The following KANK1 variants were observed in gnomAD, a reference collection of about 807,000 sequenced individuals.
KANK1 encodes the protein KN motif and ankyrin repeat domain-containing protein 1.
A neutral mutation model predicts 106.2 loss-of-function variants in KANK1; 109 were observed. The observed-to-expected ratio is 1.03, with a 90% CI of 0.88 to 1.20. The LOEUF is 1.20. Ranked by LOEUF, KANK1 falls within the 50% of genes most tolerant of loss-of-function variation. The probability of loss-of-function intolerance (pLI) is 0.00; values close to 1 mark genes in which losing one functional copy is unlikely to be tolerated. For missense variants in KANK1, 2,399 were observed against 1,710.7 expected, an observed-to-expected ratio of 1.40 and a Z score of -7.10; for synonymous variants, 873 against 652.2, an observed-to-expected ratio of 1.34 and a Z score of -5.16.
At chr9:580,526 T>C (rs1587996245) in intron 1 of KANK1, among the ~76,000 whole-genome samples, 1 of 152,168 alleles carries the variant, frequency 6.6e-6, no homozygotes, top group Non-Finnish European at 1.5e-5. Context: ...GCATTTACAA[T>C]CCCTGAGCTA....
At chr9:690,496 G>T (rs191784862) in intron 2 of KANK1, among the ~76,000 whole-genome samples, 25 of 152,148 alleles carry the variant, frequency 1.6e-4, no homozygotes, top group African/African-American at 5.5e-4. Context: ...TTGTTGTGAG[G>T]ATTAAATGAG....
chr9:610,580 GT>G (rs1166994671), intron 1 of KANK1, among the ~76,000 whole-genome samples: 5 of 152,178 alleles, frequency 3.3e-5, no homozygotes, highest in African/African-American at 9.7e-5. Flanking sequence ...GTCAGGTAAT[GT>G]TAAATGATGT....
intron 1 of KANK1, among the ~76,000 whole-genome samples, chr9:641,503 A>G (rs1563912932): frequency 6.6e-6 from 1 of 152,200 alleles, no homozygotes; most frequent in Non-Finnish European, 1.5e-5. Flanking sequence ...AACAACATGC[A>G]AATGGAGCTG....
intron 3 of KANK1, among the ~76,000 whole-genome samples, chr9:485,892 GAAAAA>G (rs2058286019): frequency 6.8e-6 from 1 of 147,772 alleles, no homozygotes; most frequent in Non-Finnish European, 1.5e-5. Context: ...AAAAAGAAAA[GAAAAA>G]GAGAGAGAGA....
chr9:595,031 G>T (rs1207744898), intron 1 of KANK1, among the ~76,000 whole-genome samples: 6 of 151,846 alleles, frequency 4.0e-5, no homozygotes, highest in Non-Finnish European at 7.4e-5. Context: ...AGAAAAAAAA[G>T]AATTTTTAGA....
chr9:531,754 C>G (rs964441829), intron 1 of KANK1, among the ~76,000 whole-genome samples: 2 of 152,202 alleles, frequency 1.3e-5, no homozygotes, highest in Non-Finnish European at 2.9e-5. Flanking sequence ...CCATTTTATT[C>G]TGAACTGTGG....
At chr9:591,095 T>A (rs562456284) in intron 1 of KANK1, among the ~76,000 whole-genome samples, 7 of 151,880 alleles carry the variant, frequency 4.6e-5, no homozygotes, top group African/African-American at 7.3e-5. Context: ...TTTCTGTTCA[T>A]ATCCTTTGCC....
chr9:742,336 G>A lies in KANK1; in HGVS notation c.3828G>A (p.Glu1276=), dbSNP rs373112399. ...CCACGGCCCTCATGTGTGCCAGCGAGCACGGACACGTGGAGATTGTCAAGC... is the reference window on the plus strand; with the variant it reads ...CCACGGCCCTCATGTGTGCCAGCGAACACGGACACGTGGAGATTGTCAAGC... ...EGSTALMCAS[E]HGHVEIVKLL... is the part of the protein sequence containing the mutation. The change falls in exon 10 of 12, where the codon GAG becomes GAA. Residue 1276 remains glutamate (E), a synonymous_variant. Transcript: ENST00000382297. 2.7e-4 allele frequency: 442 copies of A among 1,614,020 alleles called. No individual in the cohort carries two copies. The highest frequency in any genetic ancestry group is 3.8e-4 in the Admixed American group (23 of 60,008).
chr9:734,676 T>A (rs1293413219), intron 6 of KANK1, 72 bp from the exon 7 acceptor site: 16 of 1,135,666 alleles, frequency 1.4e-5, no homozygotes, highest in Non-Finnish European at 2.0e-5. Flanking sequence ...AAAAAAAAAA[T>A]TAGATATTTG....
At chr9:569,692 T>C (rs893050582) in intron 1 of KANK1, among the ~76,000 whole-genome samples, 3 of 152,236 alleles carry the variant, frequency 2.0e-5, no homozygotes, top group Non-Finnish European at 4.4e-5. Context: ...TTCACTTTTC[T>C]TTCATCTAGA....
At chr9:509,012 C>T (rs557648691) in intron 1 of KANK1, among the ~76,000 whole-genome samples, 17 of 152,044 alleles carry the variant, frequency 1.1e-4, no homozygotes, top group Admixed American at 5.2e-4. Flanking sequence ...TACTTCTACC[C>T]GTAGTGTGAG....
At chr9:637,781 G>T (rs1243164461) in intron 1 of KANK1, among the ~76,000 whole-genome samples, 3 of 152,004 alleles carry the variant, frequency 2.0e-5, no homozygotes, top group Non-Finnish European at 4.4e-5. Context: ...TATTTCATGT[G>T]AGACTACCAA....
chr9:662,179 A>C (rs1323812204), intron 1 of KANK1, among the ~76,000 whole-genome samples: 1 of 152,172 alleles, frequency 6.6e-6, no homozygotes, highest in Non-Finnish European at 1.5e-5. Context: ...ATAAAAGAGG[A>C]CACAGACAAA....
intron 1 of KANK1, among the ~76,000 whole-genome samples, chr9:507,516 A>G (rs544282690): frequency 6.6e-6 from 1 of 151,464 alleles, no homozygotes; most frequent in Non-Finnish European, 1.5e-5. Context: ...CAGCCTCCCA[A>G]GTAGCTGGGA....
chr9:544,942 C>T (rs188669350), intron 1 of KANK1, among the ~76,000 whole-genome samples: 47 of 152,196 alleles, frequency 3.1e-4, no homozygotes, highest in African/African-American at 8.9e-4. Context: ...TGGAGGAATC[C>T]CTCCAGCTTG....
intron 1 of KANK1, among the ~76,000 whole-genome samples, chr9:622,436 AC>A (rs1332875070): frequency 6.6e-6 from 1 of 152,180 alleles, no homozygotes; most frequent in Non-Finnish European, 1.5e-5. Flanking sequence ...TGGATCTAGT[AC>A]GTACCTGGAG....
chr9:608,751 C>T (rs1386801069), intron 1 of KANK1, among the ~76,000 whole-genome samples: 4 of 152,188 alleles, frequency 2.6e-5, no homozygotes, highest in Non-Finnish European at 5.9e-5. Flanking sequence ...ACCTGAAGAG[C>T]TACCTAGATG....
chr9:689,202 C>T (rs1224888416), intron 2 of KANK1, among the ~76,000 whole-genome samples: 1 of 152,202 alleles, frequency 6.6e-6, no homozygotes, highest in East Asian at 1.9e-4. Context: ...GCAATCCAGA[C>T]TGTGAAGAAA....
chr9:602,847 G>A (rs1588157639), intron 1 of KANK1, among the ~76,000 whole-genome samples: 2 of 151,786 alleles, frequency 1.3e-5, no homozygotes. Context: ...TGAGATTCCA[G>A]CATGACTCCT....
Sources: gnomAD v4.1 joint callset for allele counts (sites outside exome capture counted in the v4.1 genomes callset) on GRCh38, gnomAD v4.1.1 for gene constraint, MANE v1.5 for transcripts, NCBI Gene and HGNC (gene_info 2026-07-23, HGNC 2026-07-21) for gene names.